Variants in MRE11 observed in about 807,000 individuals in gnomAD.
The protein encoded by MRE11 is double-strand break repair protein MRE11.
MRE11 carries 62 observed loss-of-function variants against 91.7 expected under a neutral mutation model. The observed-to-expected ratio is 0.68, with a 90% CI of 0.55 to 0.84. The LOEUF (loss-of-function observed/expected upper bound fraction) is 0.84. Ranked by LOEUF, MRE11 falls within the 40% of genes least tolerant of loss-of-function variation. MRE11 has a pLI of 0.00. For missense variants in MRE11, 796 were observed against 852.9 expected (o/e 0.93, Z 0.83); for synonymous variants, 273 against 271.4 (o/e 1.01, Z -0.06).
At chr11:94,434,763 C>T (rs943161035) in intron 18 of MRE11, among the ~76,000 whole-genome samples, 1 of 152,154 alleles carries the variant, frequency 6.6e-6, no homozygotes, top group African/African-American at 2.4e-5. Flanking sequence ...TAAAATTCTA[C>T]ACCTAATTAT....
intron 18 of MRE11, among the ~76,000 whole-genome samples, chr11:94,431,768 CAG>C (rs1447308137): frequency 6.6e-6 from 1 of 152,194 alleles, no homozygotes; most frequent in African/African-American, 2.4e-5. Flanking sequence ...GTAAAATGCT[CAG>C]AGAAGTGCCT....
intron 14 of MRE11, 45 bp from the exon 15 acceptor site, chr11:94,447,483 A>G: frequency 6.4e-7 from 1 of 1,562,508 alleles, no homozygotes; most frequent in Non-Finnish European, 8.8e-7. Context: ...GAGATAACGT[A>G]CCATCCTAAA....
At chr11:94,453,719 A>T (rs966018422) in intron 14 of MRE11, among the ~76,000 whole-genome samples, 3 of 152,132 alleles carry the variant, frequency 2.0e-5, no homozygotes, top group African/African-American at 4.8e-5. Context: ...CTGCTTATTA[A>T]TCCCTTATCA....
In MRE11 at chr11:94,491,451, T is replaced by C. The variant is rs1947279959; in HGVS notation, c.21-486A>G. Among the ~76,000 whole-genome samples, 4 of 152,216 alleles carry C rather than the reference T, an allele frequency of 2.6e-5. 1 individual carries two copies. In the South Asian group the frequency reaches 8.3e-4, roughly 32 times the overall value. On this transcript the variant is annotated intron_variant, in intron 2 of 19. Transcript: ENST00000323929. ...TGACTCTACTCTCTACAGAGTTAGA[T>C]TTCATTAATAAAGTTGGCCAACACA...
the MRE11 span, chr11:94,499,035 T>C: frequency 6.5e-6 from 1 of 154,260 alleles, no homozygotes; most frequent in African/African-American, 2.4e-5. Flanking sequence ...GTGACTTGAA[T>C]CTTCATAAGT....
intron 19 of MRE11, among the ~76,000 whole-genome samples, chr11:94,423,455 A>C (rs1591626395): frequency 6.6e-6 from 1 of 152,230 alleles, no homozygotes; most frequent in African/African-American, 2.4e-5. Context: ...CAGCTGCAGC[A>C]GAAGGTGGCC....
rs557683409 is a variant in MRE11 at position 94,419,365 on chromosome 11, C to T, written c.*760G>A. 1.5e-4 allele frequency: 35 copies of T among 230,440 alleles called. No homozygotes were observed. In the South Asian group the frequency reaches 6.0e-3, roughly 40 times the overall value. The allele number at this position is 230,440 out of a possible 1,614,324, so 14.3% of individuals were successfully genotyped here. ...AATATTTTCAAGATGTAGTTTAAAA[C>T]AATTTTTAACCCGTTTCCTCCTAGA... On this transcript the variant is annotated 3_prime_UTR_variant, in exon 20 of 20. Transcript: ENST00000323929.
chr11:94,421,289 A>T (rs13447733), intron 19 of MRE11, among the ~76,000 whole-genome samples: 2,479 of 152,328 alleles, frequency 0.016, 70 homozygotes, highest in African/African-American at 0.057. Context: ...AAATTATTTG[A>T]TGCTAGGCTT....
intron 7 of MRE11, among the ~76,000 whole-genome samples, chr11:94,474,425 C>A (rs1946799958): frequency 6.7e-6 from 1 of 150,100 alleles, no homozygotes; most frequent in Admixed American, 6.7e-5. Context: ...AGTACTGGAT[C>A]TTCAAGTCCA....
intron 19 of MRE11, among the ~76,000 whole-genome samples, chr11:94,424,194 G>A (rs1396515472): frequency 6.6e-6 from 1 of 152,150 alleles, no homozygotes; most frequent in African/African-American, 2.4e-5. Flanking sequence ...CTATCCACTG[G>A]ACACTAATGT....
In MRE11 at chr11:94,439,028, A is replaced by G. The variant is rs869312594; in HGVS notation, c.1868-1793T>C. On this transcript the variant is annotated intron_variant, in intron 16 of 19. Transcript: ENST00000323929. ...CCTCTGCTGACTAACTTCAATGGAAAAATCTGGGCTGTCAACTCCTATTTA... is the reference window on the plus strand; with the variant it reads ...CCTCTGCTGACTAACTTCAATGGAAGAATCTGGGCTGTCAACTCCTATTTA... Among the ~76,000 whole-genome samples the G allele has an allele frequency of 6.6e-6, 1 of 152,222 alleles. No homozygotes were observed. Among genetic ancestry groups the G allele is most frequent in the South Asian group, 2.1e-4 (1 of 4,834 alleles).
intron 14 of MRE11, among the ~76,000 whole-genome samples, chr11:94,449,075 T>C (rs964372276): frequency 6.6e-6 from 1 of 152,184 alleles, no homozygotes; most frequent in African/African-American, 2.4e-5. Flanking sequence ...TTGCTTGGAA[T>C]GGCAGTTCTG....
At chr11:94,496,819 A>G (rs1402360160), upstream of MRE11, 12 of 1,614,062 alleles carry the variant, frequency 7.4e-6, no homozygotes, top group Non-Finnish European at 1.0e-5. Flanking sequence ...CTGGTACTCA[A>G]AGTCTTTGGG....
chr11:94,452,326 TA>T (rs146980028), intron 14 of MRE11, among the ~76,000 whole-genome samples: 1 of 151,514 alleles, frequency 6.6e-6, no homozygotes, highest in Non-Finnish European at 1.5e-5. Context: ...GACTCATTAG[TA>T]AAAAAAAGTA....
chr11:94,487,598 C>T (rs1337468225), intron 3 of MRE11, among the ~76,000 whole-genome samples: 1 of 152,214 alleles, frequency 6.6e-6, no homozygotes, highest in East Asian at 1.9e-4. Flanking sequence ...ACCAACCAGC[C>T]TCCAAAGTGC....
intron 13 of MRE11, among the ~76,000 whole-genome samples, chr11:94,457,524 TA>T (rs13447677): frequency 0.029 from 4,413 of 152,278 alleles, 233 homozygotes; most frequent in African/African-American, 0.1. Flanking sequence ...AACAATATTT[TA>T]AAAGATGAGA....
chr11:94,425,764 A>T (rs1381906275), intron 19 of MRE11, among the ~76,000 whole-genome samples: 1 of 152,346 alleles, frequency 6.6e-6, no homozygotes, highest in African/African-American at 2.4e-5. Context: ...GTATTATATA[A>T]TGATAAACGG....
chr11:94,492,595 T>C, intron 2 of MRE11, 187 bp downstream of exon 2: 4 of 1,038,862 alleles, frequency 3.9e-6, no homozygotes, highest in Non-Finnish European at 5.7e-6. Context: ...AGCTGCATAT[T>C]AGCTTCCAGT....
chr11:94,487,389 G>A (rs1947168746), intron 3 of MRE11, among the ~76,000 whole-genome samples: 1 of 152,156 alleles, frequency 6.6e-6, no homozygotes, highest in South Asian at 2.1e-4. Context: ...TGCAGAATCT[G>A]AACCTAATCA....
Sources: allele counts gnomAD v4.1 joint callset (sites outside exome capture counted in the v4.1 genomes callset), GRCh38; gene constraint gnomAD v4.1.1; transcripts MANE v1.5; gene names NCBI Gene and HGNC (gene_info 2026-07-23, HGNC 2026-07-21).